Variants in RAPGEF1 observed in about 807,000 individuals in gnomAD.
RAPGEF1 encodes the protein CRK SH3-binding GNRP.
In RAPGEF1, 33 loss-of-function variants were observed where a neutral mutation model predicts 143.3. The observed-to-expected ratio is 0.23, with a 90% confidence interval of 0.17 to 0.31. The LOEUF is 0.31. Ranked by LOEUF, RAPGEF1 falls within the 10% of genes least tolerant of loss-of-function variation. The pLI is 1.00. For missense variants in RAPGEF1, 1,199 were observed against 1,645.4 expected (o/e 0.73, Z 4.69); for synonymous variants, 629 against 676.5 (o/e 0.93, Z 1.09).
At position 131,707,712 on chromosome 9, in the gene RAPGEF1, A is replaced by T. The variant is rs529470963; in HGVS notation, c.61+32058T>A. 2.0e-5 allele frequency among the ~76,000 whole-genome samples: 3 copies of T among 152,310 alleles called. No homozygotes were observed. In the East Asian group the frequency reaches 5.8e-4, roughly 29 times the overall value. On this transcript the variant is annotated intron_variant, in intron 1 of 26. Transcript: ENST00000683357. ...TGCCTCGGCCTTCCAAAGTGCTGGGATTACAGTATTGTTTTTAATTGGAGA... is the reference window on the plus strand; with the variant it reads ...TGCCTCGGCCTTCCAAAGTGCTGGGTTTACAGTATTGTTTTTAATTGGAGA...
At chr9:131,666,594 A>G (rs1229614456) in intron 1 of RAPGEF1, among the ~76,000 whole-genome samples, 2 of 152,044 alleles carry the variant, frequency 1.3e-5, no homozygotes, top group African/African-American at 4.8e-5. Context: ...CATGTTGGCC[A>G]GGCTGGTCTC....
At chr9:131,689,826 C>T (rs1299824513) in intron 1 of RAPGEF1, among the ~76,000 whole-genome samples, 1 of 152,226 alleles carries the variant, frequency 6.6e-6, no homozygotes, top group Non-Finnish European at 1.5e-5. Flanking sequence ...GCGCGAGCCA[C>T]CGCGCTTGGC....
intron 1 of RAPGEF1, among the ~76,000 whole-genome samples, chr9:131,734,472 C>T (rs11999050): frequency 0.28 from 42,494 of 152,168 alleles, 6,421 homozygotes; most frequent in Non-Finnish European, 0.35. Context: ...TGCTGGCTCC[C>T]TGCCACGAGG....
At chr9:131,723,973 G>C (rs908751526) in intron 1 of RAPGEF1, among the ~76,000 whole-genome samples, 6 of 152,188 alleles carry the variant, frequency 3.9e-5, no homozygotes, top group Non-Finnish European at 8.8e-5. Context: ...TGTGGTGGCA[G>C]TGATTGTTGC....
intron 17 of RAPGEF1, among the ~76,000 whole-genome samples, chr9:131,592,959 T>A (rs917120700): frequency 1.3e-5 from 2 of 152,164 alleles, no homozygotes; most frequent in Admixed American, 1.3e-4. Context: ...GCCAGGCTAG[T>A]CTCAAACTCT....
chr9:131,586,206 ACACG>A (rs1475486527), intron 22 of RAPGEF1, among the ~76,000 whole-genome samples: 2 of 143,940 alleles, frequency 1.4e-5, no homozygotes, highest in Non-Finnish European at 3.0e-5. Context: ...AAACACACAC[ACACG>A]CACGCACACA....
intron 1 of RAPGEF1, among the ~76,000 whole-genome samples, chr9:131,703,285 C>T (rs989235525): frequency 3.9e-5 from 6 of 152,300 alleles, no homozygotes; most frequent in South Asian, 4.1e-4. Context: ...TAGGTGTGAG[C>T]CATCATGCCC....
At chr9:131,707,256 T>C (rs1835140692) in intron 1 of RAPGEF1, among the ~76,000 whole-genome samples, 1 of 152,160 alleles carries the variant, frequency 6.6e-6, no homozygotes, top group Admixed American at 6.6e-5. Flanking sequence ...CTGAAGACAC[T>C]GTACTATGTA....
intron 17 of RAPGEF1, 52 bp from the exon 18 acceptor site, chr9:131,592,235 G>T (rs1227868702): frequency 6.9e-7 from 1 of 1,443,176 alleles, no homozygotes; most frequent in Non-Finnish European, 9.7e-7. Flanking sequence ...AGTGCTGGGG[G>T]GTGGTAGCCA....
intron 12 of RAPGEF1, among the ~76,000 whole-genome samples, chr9:131,607,507 C>T (rs2132561444): frequency 6.6e-6 from 1 of 152,248 alleles, no homozygotes; most frequent in East Asian, 1.9e-4. Context: ...GCAAGCCTCC[C>T]TTACTGGCTG....
At chr9:131,662,126 G>A (rs569692441) in intron 1 of RAPGEF1, among the ~76,000 whole-genome samples, 2 of 152,120 alleles carry the variant, frequency 1.3e-5, no homozygotes, top group South Asian at 2.1e-4. Flanking sequence ...TCAGCGGTGG[G>A]GCCCCACCCA....
intron 1 of RAPGEF1, among the ~76,000 whole-genome samples, chr9:131,730,453 C>T (rs180725383): frequency 1.3e-5 from 2 of 151,516 alleles, no homozygotes; most frequent in African/African-American, 2.4e-5. Context: ...GCTGAGGCGG[C>T]GGATCACAAG....
At chr9:131,709,491 G>T in intron 1 of RAPGEF1, 1 of 744,680 alleles carries the variant, frequency 1.3e-6, no homozygotes, top group Non-Finnish European at 2.2e-6. Flanking sequence ...TTGAAATCAT[G>T]TTGGACTACC....
Position 131,643,471 on chromosome 9 carries a change from T to C in RAPGEF1, c.316-54A>G, listed in dbSNP as rs936055839. The C allele has an allele frequency of 7.3e-6, 11 of 1,501,780 alleles. No homozygotes were observed. The African/African-American group carries it at 1.1e-4, about 15-fold the overall frequency. 93.0% of individuals were successfully genotyped at this position (1,501,780 alleles called of 1,614,324 possible). ...AGGAGAGAGATTAAAGGGAGCTATTTTGAAAAAATAAAGGAACATTTTCTT... is the reference window on the plus strand; with the variant it reads ...AGGAGAGAGATTAAAGGGAGCTATTCTGAAAAAATAAAGGAACATTTTCTT... On this transcript the variant is annotated intron_variant, in intron 3 of 26. Coordinates refer to ENST00000683357, the MANE Select transcript of RAPGEF1 (RefSeq NM_001377935.1).
At chr9:131,614,097 G>A (rs1958484671) in intron 12 of RAPGEF1, among the ~76,000 whole-genome samples, 1 of 152,134 alleles carries the variant, frequency 6.6e-6, no homozygotes, top group African/African-American at 2.4e-5. Flanking sequence ...AGCACTCCAT[G>A]TGGACCGTGC....
chr9:131,640,151 C>T (rs1309722573), intron 4 of RAPGEF1, among the ~76,000 whole-genome samples: 1 of 152,142 alleles, frequency 6.6e-6, no homozygotes, highest in Admixed American at 6.5e-5. Context: ...AAACAAAGAC[C>T]CTGCAGTCTC....
intron 3 of RAPGEF1, among the ~76,000 whole-genome samples, chr9:131,646,174 G>T (rs1043129035): frequency 6.6e-6 from 1 of 152,186 alleles, no homozygotes; most frequent in Non-Finnish European, 1.5e-5. Flanking sequence ...CAACCACCCT[G>T]TGAAGTGGAT....
chr9:131,583,855 C>T lies in RAPGEF1; in HGVS notation c.3414+456G>A, dbSNP rs140779123. On this transcript the variant is annotated intron_variant, in intron 24 of 26. Transcript: ENST00000683357. This position sits in a 1 kb window ranked among gnomAD's most constrained non-coding sequence, Gnocchi z 4.7. Reference sequence around the variant, plus strand: ...ACTCCTCCTCCTCTGCAGATGGTGGCATGAGTGACACTTCCTCTGGGCTGG... The same window carrying T: ...ACTCCTCCTCCTCTGCAGATGGTGGTATGAGTGACACTTCCTCTGGGCTGG... Among the ~76,000 whole-genome samples the T allele has an allele frequency of 2.8e-4, 42 of 152,338 alleles. No individual in the cohort carries two copies. Among genetic ancestry groups the T allele is most frequent in the Non-Finnish European group, 5.1e-4 (35 of 68,014 alleles).
intron 1 of RAPGEF1, among the ~76,000 whole-genome samples, chr9:131,685,221 T>C (rs1377328188): frequency 1.3e-5 from 2 of 152,216 alleles, no homozygotes; most frequent in Admixed American, 6.5e-5. Context: ...CAGATGTGGA[T>C]CCTGACTCCT....
Sources: gnomAD v4.1 joint callset for allele counts (sites outside exome capture counted in the v4.1 genomes callset) on GRCh38, gnomAD v4.1.1 for gene constraint, Gnocchi (gnomAD v3.1) non-coding constraint, MANE v1.5 for transcripts, NCBI Gene and HGNC (gene_info 2026-07-23, HGNC 2026-07-21) for gene names.